The following SOS1 variants were observed in gnomAD, a reference collection of about 807,000 sequenced individuals.
SOS1 encodes son of sevenless homolog 1.
A neutral mutation model predicts 157.6 loss-of-function variants in SOS1; 25 were observed. The observed-to-expected ratio is 0.16, with a 90% CI of 0.12 to 0.22. The LOEUF (loss-of-function observed/expected upper bound fraction) is 0.22, where lower values mean the gene tolerates loss of function less well. Ranked by LOEUF, SOS1 falls within the 10% of genes least tolerant of loss-of-function variation. SOS1 has a pLI of 1.00. For missense variants in SOS1, 1,237 were observed against 1,599.1 expected, an observed-to-expected ratio of 0.77 and a Z score of 3.86; for synonymous variants, 528 against 534.0, an observed-to-expected ratio of 0.99 and a Z score of 0.16.
intron 4 of SOS1, among the ~76,000 whole-genome samples, chr2:39,055,693 T>C (rs1671190441): frequency 6.6e-6 from 1 of 152,142 alleles, no homozygotes; most frequent in South Asian, 2.1e-4. Flanking sequence ...AGTAAGAGTA[T>C]AATGAGGAAA....
intron 6 of SOS1, among the ~76,000 whole-genome samples, chr2:39,050,572 A>C (rs1670975121): frequency 6.6e-6 from 1 of 152,190 alleles, no homozygotes; most frequent in African/African-American, 2.4e-5. Flanking sequence ...CTACTGCTTC[A>C]GCACCCCAAG....
intron 1 of SOS1, among the ~76,000 whole-genome samples, chr2:39,070,214 T>G (rs1221355681): frequency 6.6e-6 from 1 of 152,216 alleles, no homozygotes; most frequent in Non-Finnish European, 1.5e-5. Flanking sequence ...CTGATTTGCA[T>G]GCCCCCAATG....
intron 1 of SOS1, among the ~76,000 whole-genome samples, chr2:39,098,707 G>C (rs1006841652): frequency 6.6e-6 from 1 of 152,138 alleles, no homozygotes; most frequent in Non-Finnish European, 1.5e-5. Context: ...GTCTAATACG[G>C]TGAAACCCCA....
At chr2:39,013,743 T>G in intron 12 of SOS1, 124 bp downstream of exon 12, 5 of 935,542 alleles carry the variant, frequency 5.3e-6, no homozygotes, top group Non-Finnish European at 6.8e-6. Context: ...CTGCTCTAAT[T>G]AGTAAATTTA....
At position 38,987,468 on chromosome 2, in the gene SOS1, T is replaced by C; in HGVS notation, c.3510+5A>G. On this transcript the variant is annotated splice_donor_5th_base_variant and intron_variant, in intron 22 of 22. Transcript: ENST00000402219. ...ATTTCTACACAACAAGATTTCTTAC[T>C]TTACCTTAGATGGTGAAGATTCTGC... The C allele has an allele frequency of 6.9e-7, 1 of 1,445,352 alleles. No individual in the cohort carries two copies. The highest frequency in any genetic ancestry group is 9.7e-7 in the Non-Finnish European group (1 of 1,030,288). The allele number at this position is 1,445,352 out of a possible 1,614,324, so 89.5% of individuals were successfully genotyped here. A position where few individuals can be genotyped will look rare whatever the true frequency, so the allele number is the denominator to read the frequency against.
At position 39,019,541 on chromosome 2, in the gene SOS1, T is replaced by A. The variant is rs557246301; in HGVS notation, c.1858+3029A>T. Among the ~76,000 whole-genome samples, 15 of 151,776 alleles carry A rather than the reference T, an allele frequency of 9.9e-5. No individual in the cohort carries two copies. In the East Asian group the frequency reaches 2.9e-3, roughly 29 times the overall value. ...GACAAACCCCAAAGTTCTGATATAG[T>A]CAGCAAATTATGATACATCCAGAAA... On this transcript the variant is annotated intron_variant, in intron 10 of 22. Transcript: ENST00000402219.
At chr2:39,040,413 A>G (rs934323543) in intron 6 of SOS1, among the ~76,000 whole-genome samples, 3 of 152,144 alleles carry the variant, frequency 2.0e-5, no homozygotes, top group African/African-American at 7.2e-5. Flanking sequence ...ACAATGTGCA[A>G]CGGTCCATTT....
In SOS1 at chr2:39,056,869, G is replaced by A. The variant is rs1322931455; in HGVS notation, c.346-3C>T. 6.3e-7 allele frequency: 1 copy of A among 1,597,668 alleles called. No individual in the cohort carries two copies. The highest frequency in any genetic ancestry group is 1.1e-5 in the South Asian group (1 of 90,744). ...TCAATTTTATAACCTAGGACCTCCTGCAAAATTAAAAGAAAAGCATGTTTA... is the reference window on the plus strand; with the variant it reads ...TCAATTTTATAACCTAGGACCTCCTACAAAATTAAAAGAAAAGCATGTTTA... On this transcript the variant is annotated splice_polypyrimidine_tract_variant and splice_region_variant and intron_variant, in intron 3 of 22. Coordinates refer to ENST00000402219, the MANE Select transcript of SOS1 (RefSeq NM_005633.4).
intron 18 of SOS1, 67 bp from the exon 19 acceptor site, chr2:38,997,105 A>C: frequency 1.9e-6 from 2 of 1,067,856 alleles, no homozygotes; most frequent in South Asian, 2.8e-5. Flanking sequence ...AATTCATGGA[A>C]AGTTAAGAAA....
At chr2:39,010,521 A>T in intron 15 of SOS1, 63 bp downstream of exon 15, 1 of 1,499,320 alleles carries the variant, frequency 6.7e-7, no homozygotes, top group Non-Finnish European at 9.3e-7. Flanking sequence ...AAACAAAAAA[A>T]TTGCATTGAA....
intron 1 of SOS1, among the ~76,000 whole-genome samples, chr2:39,097,042 G>T (rs563900240): frequency 2.0e-5 from 3 of 152,140 alleles, no homozygotes. Context: ...ATGAGGGATG[G>T]GAAGAGTTGG....
At chr2:39,093,785 C>G (rs1237085316) in intron 1 of SOS1, among the ~76,000 whole-genome samples, 1 of 152,152 alleles carries the variant, frequency 6.6e-6, no homozygotes, top group African/African-American at 2.4e-5. Context: ...CATGGAAAGC[C>G]AAATGGAAGG....
In SOS1 at chr2:38,986,071, C is replaced by G. The variant is rs1160171016; in HGVS notation, c.3755G>C (p.Ser1252Thr). The G allele has an allele frequency of 6.2e-7, 1 of 1,613,760 alleles. No individual in the cohort carries two copies. Among genetic ancestry groups the G allele is most frequent in the Non-Finnish European group, 8.5e-7 (1 of 1,179,884 alleles). ...SDHGNAFFPN[S>T]PSPFTPPPPQ... ...AGGAGGTGGTGTAAAGGGGGAAGGG[C>G]TGTTTGGGAAGAAGGCATTGCCATG... Residue 1252 changes from serine (S) to threonine (T), a missense_variant, in exon 23 of 23, where the codon AGC (serine) becomes ACC (threonine). Transcript: ENST00000402219.
intron 17 of SOS1, among the ~76,000 whole-genome samples, chr2:39,004,584 TAAAA>T (rs1282900647): frequency 6.6e-6 from 1 of 151,788 alleles, no homozygotes; most frequent in Admixed American, 6.6e-5. Flanking sequence ...TTGAAAGTCA[TAAAA>T]AAAGCTAGAA....
At position 38,986,212 on chromosome 2, in the gene SOS1, G is replaced by C. The variant is rs1257208031; in HGVS notation, c.3614C>G (p.Ser1205Ter). ...RYSISDRTSI[S>*]DPPESPPLLP... is the part of the protein sequence containing the mutation. The stretch of plus-strand genomic sequence containing the variant: ...TAAGGGAGGGCTTTCAGGAGGGTCT[G>C]AGATAGAGGTCCGGTCTGATATTGA... Residue 1205 changes from serine to a stop codon, truncating the protein, a stop_gained, in exon 23 of 23, where the codon TCA becomes TGA. Transcript: ENST00000402219. LOFTEE classifies it high-confidence loss of function. 6.2e-7 allele frequency: 1 copy of C among 1,613,978 alleles called. No homozygotes were observed. Among genetic ancestry groups the C allele is most frequent in the Non-Finnish European group, 8.5e-7 (1 of 1,179,924 alleles).
At chr2:39,076,391 C>T (rs897998100) in intron 1 of SOS1, among the ~76,000 whole-genome samples, 4 of 151,184 alleles carry the variant, frequency 2.6e-5, no homozygotes, top group African/African-American at 9.7e-5. Flanking sequence ...AGACTGAGAC[C>T]TTACCTTAAA....
intron 15 of SOS1, among the ~76,000 whole-genome samples, chr2:39,010,150 T>C (rs1220898841): frequency 3.3e-5 from 5 of 151,992 alleles, no homozygotes. Context: ...ACCCCATCTC[T>C]ACTAAAAATA....
chr2:38,990,723 T>G (rs1009150990), intron 20 of SOS1, among the ~76,000 whole-genome samples: 1 of 152,242 alleles, frequency 6.6e-6, no homozygotes, highest in Non-Finnish European at 1.5e-5. Context: ...TACATATGCA[T>G]GCACACTTGT....
At chr2:39,001,641 T>G (rs900079268) in intron 17 of SOS1, among the ~76,000 whole-genome samples, 1 of 152,196 alleles carries the variant, frequency 6.6e-6, no homozygotes, top group African/African-American at 2.4e-5. Context: ...GGAAGGAGTT[T>G]CTATAAACTA....
Sources: allele counts gnomAD v4.1 joint callset (sites outside exome capture counted in the v4.1 genomes callset), GRCh38; gene constraint gnomAD v4.1.1; transcripts MANE v1.5; gene names NCBI Gene and HGNC (gene_info 2026-07-23, HGNC 2026-07-21).